Variants in RPS6KB1 observed in about 807,000 individuals in gnomAD.
RPS6KB1 encodes ribosomal protein S6 kinase B1.
In RPS6KB1, 12 loss-of-function variants were observed where a neutral mutation model predicts 70.2. The observed-to-expected ratio is 0.17, with a 90% CI of 0.11 to 0.28. RPS6KB1 has a LOEUF of 0.28. Among genes scored for constraint, RPS6KB1 ranks in the 10% least tolerant of loss-of-function variants. The pLI is 1.00. For synonymous variants in RPS6KB1, 175 were observed against 211.2 expected (o/e 0.83, Z 1.49); for missense variants, 270 against 646.6 (o/e 0.42, Z 6.32).
rs1337184504 is a variant in RPS6KB1, at chr17:59,948,592, A to G, written c.*1804A>G. ...ACAGAACCATGAAAAATGATTGGACATACACCTTTTCAATTGTGGCAATAA... is the reference window on the plus strand; with the variant it reads ...ACAGAACCATGAAAAATGATTGGACGTACACCTTTTCAATTGTGGCAATAA... On this transcript the variant is annotated 3_prime_UTR_variant, in exon 15 of 15. Transcript: ENST00000225577. The G allele has an allele frequency of 6.6e-6, 1 of 152,532 alleles. No individual in the cohort carries two copies. The highest frequency in any genetic ancestry group is 1.5e-5 in the Non-Finnish European group (1 of 68,022). The allele number at this position is 152,532 out of a possible 1,614,324, so 9.4% of individuals were successfully genotyped here.
intron 4 of RPS6KB1, among the ~76,000 whole-genome samples, chr17:59,920,284 C>T (rs2043194451): frequency 6.6e-6 from 1 of 152,066 alleles, no homozygotes; most frequent in South Asian, 2.1e-4. Context: ...TCCCAAAGTG[C>T]TAGGATTACA....
chr17:59,925,367 T>A (rs1463409176), intron 4 of RPS6KB1, among the ~76,000 whole-genome samples: 1 of 152,212 alleles, frequency 6.6e-6, no homozygotes, highest in Admixed American at 6.5e-5. Context: ...CCAAAACTTT[T>A]TCACTTTCTT....
chr17:59,938,144 T>G (rs1243500318), intron 12 of RPS6KB1, among the ~76,000 whole-genome samples: 1 of 151,030 alleles, frequency 6.6e-6, no homozygotes, highest in Non-Finnish European at 1.5e-5. Flanking sequence ...AGTTGTTTTT[T>G]TTTTTTTTTC....
At chr17:59,912,841 C>A (rs1386696736) in intron 3 of RPS6KB1, 37 bp downstream of exon 3, 2 of 1,604,830 alleles carry the variant, frequency 1.2e-6, no homozygotes, top group South Asian at 2.2e-5. Flanking sequence ...TGTTGTCTGT[C>A]TTGAATAGAT....
chr17:59,900,217 CACACACA>C (rs2041839801), intron 1 of RPS6KB1, among the ~76,000 whole-genome samples: 3 of 136,446 alleles, frequency 2.2e-5, no homozygotes, highest in African/African-American at 9.2e-5. Context: ...CACACACACA[CACACACA>C]CACACACCCC....
chr17:59,926,372 A>T, intron 4 of RPS6KB1, 63 bp from the exon 5 acceptor site: 3 of 1,213,754 alleles, frequency 2.5e-6, no homozygotes, highest in Non-Finnish European at 3.4e-6. Flanking sequence ...TTTTAGAATA[A>T]AATAGATTAT....
At position 59,904,061 on chromosome 17, in the gene RPS6KB1, A is replaced by T. The variant is rs73318947; in HGVS notation, c.142-6501A>T. Among the ~76,000 whole-genome samples the T allele has an allele frequency of 7.7e-3, 1,056 of 136,762 alleles. 12 individuals are homozygous for T. Among genetic ancestry groups the T allele is most frequent in the African/African-American group, 0.026 (990 of 38,124 alleles). 89.7% of individuals were successfully genotyped at this position (136,762 alleles called of 152,430 possible). A position where few individuals can be genotyped will look rare whatever the true frequency, so the allele number is the denominator to read the frequency against. On this transcript the variant is annotated intron_variant, in intron 1 of 14. Transcript: ENST00000225577. ...TGGCCTATTTATCTTTTTATTGTTG[A>T]GTTGGAGTATTTATTTATTTATTTA...
At chr17:59,919,099 C>T (rs1363249300) in intron 4 of RPS6KB1, among the ~76,000 whole-genome samples, 1 of 152,134 alleles carries the variant, frequency 6.6e-6, no homozygotes, top group Non-Finnish European at 1.5e-5. Context: ...AATAACCCAT[C>T]CACTGCGCCT....
intron 1 of RPS6KB1, among the ~76,000 whole-genome samples, chr17:59,903,474 CAAAAAGAAA>C (rs1018703725): frequency 2.8e-4 from 43 of 151,054 alleles, no homozygotes; most frequent in African/African-American, 9.5e-4. Flanking sequence ...CACCCTGTCT[CAAAAAGAAA>C]AAAAAGAAAA....
At chr17:59,898,539 T>C (rs1374858734) in intron 1 of RPS6KB1, among the ~76,000 whole-genome samples, 13 of 151,938 alleles carry the variant, frequency 8.6e-5, no homozygotes, top group African/African-American at 3.1e-4. Context: ...CTGCAACCTC[T>C]GCCTCCTGGG....
rs1022062543 is a variant in RPS6KB1 at position 59,923,606 on chromosome 17, G to T, written c.382-2829G>T. ...GCTCACTGCAGCCTCCACCTCCTGC[G>T]TTCAAGCAGTTTTCTGCCTCCGCCT... On this transcript the variant is annotated intron_variant, in intron 4 of 14. Transcript: ENST00000225577. Among the ~76,000 whole-genome samples, 4 of 151,850 alleles carry T rather than the reference G, an allele frequency of 2.6e-5. No individual in the cohort carries two copies. The East Asian group carries it at 5.8e-4, about 22-fold the overall frequency.
chr17:59,947,539 T>C lies in RPS6KB1; in HGVS notation c.*751T>C. On this transcript the variant is annotated 3_prime_UTR_variant, in exon 15 of 15. Coordinates refer to ENST00000225577, the MANE Select transcript of RPS6KB1 (RefSeq NM_003161.4). ...GTAACCCAGCTGCAATACCTGTCTGTAATATGAGAAAAAAAAAATGAATCT... is the reference window on the plus strand; with the variant it reads ...GTAACCCAGCTGCAATACCTGTCTGCAATATGAGAAAAAAAAAATGAATCT... The C allele has an allele frequency of 6.5e-7, 1 of 1,536,484 alleles. No individual in the cohort carries two copies. The highest frequency in any genetic ancestry group is 8.8e-7 in the Non-Finnish European group (1 of 1,137,188).
At chr17:59,903,878 C>T (rs191668136) in intron 1 of RPS6KB1, among the ~76,000 whole-genome samples, 1 of 151,880 alleles carries the variant, frequency 6.6e-6, no homozygotes, top group East Asian at 1.9e-4. Flanking sequence ...GCTCATTTTT[C>T]AAAAATTGGG....
intron 1 of RPS6KB1, among the ~76,000 whole-genome samples, chr17:59,910,307 G>A (rs530509407): frequency 3.4e-4 from 52 of 152,048 alleles, no homozygotes; most frequent in African/African-American, 1.2e-3. Context: ...CCCCTTCATA[G>A]CTATTGACTG....
Position 59,912,820 on chromosome 17 carries a change from G to T in RPS6KB1, c.312+16G>T. On this transcript the variant is annotated intron_variant, in intron 3 of 14. Transcript: ENST00000225577. Reference sequence around the variant, plus strand: ...CTATGGAAAGGTAGGCAATATTTTTGAAATGAGAGCTGTTGTCTGTCTTGA... The same window carrying T: ...CTATGGAAAGGTAGGCAATATTTTTTAAATGAGAGCTGTTGTCTGTCTTGA... 6.2e-7 allele frequency: 1 copy of T among 1,613,054 alleles called. No homozygotes were observed. The highest frequency in any genetic ancestry group is 8.5e-7 in the Non-Finnish European group (1 of 1,179,400).
In RPS6KB1 at chr17:59,926,600, G is replaced by T. The variant is rs1394372934; in HGVS notation, c.529+18G>T. On this transcript the variant is annotated intron_variant, in intron 5 of 14. Coordinates refer to ENST00000225577, the MANE Select transcript of RPS6KB1 (RefSeq NM_003161.4). ...TCTCAGTGGTCAGTACACAGAGTTT[G>T]GTGTAATTATTTGCATTTGCTCCAG... The T allele has an allele frequency of 6.4e-7, 1 of 1,561,054 alleles. No individual in the cohort carries two copies. Among genetic ancestry groups the T allele is most frequent in the Non-Finnish European group, 8.7e-7 (1 of 1,150,670 alleles).
At chr17:59,928,066 G>A (rs1191918797) in intron 5 of RPS6KB1, among the ~76,000 whole-genome samples, 3 of 151,834 alleles carry the variant, frequency 2.0e-5, no homozygotes, top group Non-Finnish European at 4.4e-5. Context: ...GCTGAGGCAG[G>A]AGAATCGCTT....
In RPS6KB1 at chr17:59,949,984, A is replaced by T. The variant is rs139176752; in HGVS notation, c.*3196A>T. The stretch of plus-strand genomic sequence containing the variant: ...TTGAATTTATGAAGAATAGATTTTA[A>T]GGCTTTGAAAATGGTTAATTTCTCA... On this transcript the variant is annotated 3_prime_UTR_variant, in exon 15 of 15. Transcript: ENST00000225577. The T allele has an allele frequency of 5.4e-4, 83 of 152,666 alleles. No individual in the cohort carries two copies. The highest frequency in any genetic ancestry group is 1.9e-3 in the African/African-American group (79 of 41,572). The allele number at this position is 152,666 out of a possible 1,614,324, so 9.5% of individuals were successfully genotyped here. A position where few individuals can be genotyped will look rare whatever the true frequency, so the allele number is the denominator to read the frequency against.
intron 12 of RPS6KB1, among the ~76,000 whole-genome samples, chr17:59,936,799 A>C (rs114480654): frequency 0.04 from 6,075 of 152,302 alleles, 438 homozygotes; most frequent in African/African-American, 0.14. Flanking sequence ...ATCTCAGAGC[A>C]GACAGAAACA....
Sources: allele counts gnomAD v4.1 joint callset (sites outside exome capture counted in the v4.1 genomes callset), GRCh38; gene constraint gnomAD v4.1.1; transcripts MANE v1.5; gene names NCBI Gene and HGNC (gene_info 2026-07-23, HGNC 2026-07-21).